NMT1: variants seen among roughly 807,000 people sequenced by gnomAD.
NMT1 encodes the protein N-myristoyltransferase 1.
A neutral mutation model predicts 63.4 loss-of-function variants in NMT1; 12 were observed. The observed-to-expected ratio is 0.19, with a 90% CI of 0.12 to 0.31. The LOEUF is 0.31. NMT1 is among the 10% of genes least tolerant of loss of function. The probability of loss-of-function intolerance (pLI) is 1.00; values close to 1 mark genes in which losing one functional copy is unlikely to be tolerated. For synonymous variants in NMT1, 228 were observed against 234.3 expected (o/e 0.97, Z 0.25); for missense variants, 432 against 634.6 (o/e 0.68, Z 3.43).
chr17:45,069,638 G>C (rs1304226100), intron 1 of NMT1, among the ~76,000 whole-genome samples: 1 of 152,010 alleles, frequency 6.6e-6, no homozygotes, highest in African/African-American at 2.4e-5. Flanking sequence ...CATCTCCACT[G>C]GTCTCTTTGA....
At chr17:45,071,661 G>A (rs1226329121) in intron 1 of NMT1, 1 of 152,050 alleles carries the variant, frequency 6.6e-6, no homozygotes, top group African/African-American at 2.4e-5. Flanking sequence ...GTAAACCTGT[G>A]GTCTGTGTTT....
chr17:45,065,623 CAAAAAAAAAAAAA>C (rs397944011), intron 1 of NMT1, among the ~76,000 whole-genome samples: 1 of 81,734 alleles, frequency 1.2e-5, no homozygotes, highest in African/African-American at 4.8e-5. Context: ...GACTCTGTCT[CAAAAAAAAAAAAA>C]AAAAAAAAGA....
intron 1 of NMT1, among the ~76,000 whole-genome samples, chr17:45,072,129 G>T (rs2053943982): frequency 6.6e-6 from 1 of 151,936 alleles, no homozygotes; most frequent in Admixed American, 6.6e-5. Flanking sequence ...GCGTACGCCT[G>T]TAGTCCCAGC....
intron 3 of NMT1, among the ~76,000 whole-genome samples, chr17:45,091,053 C>A (rs1327949621): frequency 2.6e-5 from 4 of 152,128 alleles, no homozygotes; most frequent in Non-Finnish European, 5.9e-5. Context: ...AAAGTGGCTG[C>A]TCCCTTTTCA....
chr17:45,104,999 A>G lies in NMT1; in HGVS notation c.1470+3A>G, dbSNP rs759750343. 4 of 1,614,136 alleles carry G rather than the reference A, an allele frequency of 2.5e-6. No homozygotes were observed. The highest frequency in any genetic ancestry group is 3.4e-6 in the Non-Finnish European group (4 of 1,180,010). ...GCCCCAGCATGGGGGCAGAGAAGGT[A>G]GGCGACACATAGCCAGAGTCCAGGC... is the stretch of plus-strand genomic sequence containing the variant. On this transcript the variant is annotated splice_donor_region_variant and intron_variant, in intron 11 of 11. Coordinates refer to ENST00000258960, the MANE Select transcript of NMT1 (RefSeq NM_021079.5). This position sits in a 1 kb window ranked among gnomAD's most constrained non-coding sequence, Gnocchi z 4.2.
chr17:45,085,211 C>T (rs1358841484), intron 2 of NMT1, among the ~76,000 whole-genome samples: 1 of 152,080 alleles, frequency 6.6e-6, no homozygotes, highest in Non-Finnish European at 1.5e-5. Flanking sequence ...CATGATTGTG[C>T]CACTGCACTC....
intron 1 of NMT1, among the ~76,000 whole-genome samples, chr17:45,072,684 C>G (rs112174108): frequency 1.3e-5 from 2 of 151,732 alleles, no homozygotes; most frequent in Non-Finnish European, 2.9e-5. Flanking sequence ...CTCAGCCTCC[C>G]GAGTAGCTGG....
intron 1 of NMT1, among the ~76,000 whole-genome samples, chr17:45,064,854 C>A (rs1332644479): frequency 2.0e-5 from 3 of 152,086 alleles, no homozygotes; most frequent in Non-Finnish European, 2.9e-5. Flanking sequence ...GGCTCTGACA[C>A]TTAACAGTCC....
intron 8 of NMT1, among the ~76,000 whole-genome samples, chr17:45,100,169 G>A (rs1019237260): frequency 6.6e-6 from 1 of 152,072 alleles, no homozygotes; most frequent in Non-Finnish European, 1.5e-5. Flanking sequence ...GCTCACTGCA[G>A]CCTCGACCTC....
Position 45,067,505 on chromosome 17 carries a change from TAGG to T in NMT1, c.131+6051_131+6053del, listed in dbSNP as rs533641817. ...TGAGATACTATCCCTTATGAAAACT[TAGG>T]AGGAGAGAAAAGTCTTTCTGAAAAT... is the stretch of plus-strand genomic sequence containing the variant. On this transcript the variant is annotated intron_variant, in intron 1 of 11. Coordinates refer to ENST00000258960, the MANE Select transcript of NMT1 (RefSeq NM_021079.5). 2.2e-3 allele frequency among the ~76,000 whole-genome samples: 330 copies of T among 152,296 alleles called. 1 individual carries two copies. The highest frequency in any genetic ancestry group is 3.3e-3 in the Non-Finnish European group (225 of 68,026).
Position 45,061,509 on chromosome 17 carries a change from G to A in NMT1, c.131+49G>A, listed in dbSNP as rs980228993. On this transcript the variant is annotated intron_variant, in intron 1 of 11. Transcript: ENST00000258960. ...TTCCCGTCCAGCCTCCCACAACCTG[G>A]GTCTCTGGGGTGCGGGGAAGTCACC... is the stretch of plus-strand genomic sequence containing the variant. 9.6e-6 allele frequency: 15 copies of A among 1,565,068 alleles called. No individual in the cohort carries two copies. The African/African-American group carries it at 1.6e-4, about 17-fold the overall frequency.
At chr17:45,075,865 T>TTC (rs2053974264) in intron 1 of NMT1, among the ~76,000 whole-genome samples, 1 of 151,248 alleles carries the variant, frequency 6.6e-6, no homozygotes, top group African/African-American at 2.4e-5. Context: ...AAGTCAGGAG[T>TTC]TCAAGACCAG....
intron 6 of NMT1, 134 bp from the exon 7 acceptor site, chr17:45,098,248 T>G: frequency 2.7e-6 from 2 of 744,310 alleles, no homozygotes; most frequent in East Asian, 4.9e-5. Context: ...GTCCCAGTAC[T>G]GAGTGCAGGT....
Position 45,099,528 on chromosome 17 carries a change from G to T in NMT1, c.993+15G>T, listed in dbSNP as rs747584701. ...GACTGCCAGAGGCCAGTGCTGCCCC[G>T]GGTGGTGGGCAGGGGGCAGAGAGAG... On this transcript the variant is annotated intron_variant, in intron 8 of 11. Transcript: ENST00000258960. 1 of 1,580,262 alleles carries T rather than the reference G, an allele frequency of 6.3e-7. No individual in the cohort carries two copies. Among genetic ancestry groups the T allele is most frequent in the Non-Finnish European group, 8.7e-7 (1 of 1,149,052 alleles).
chr17:45,094,080 C>T (rs2054107801), intron 4 of NMT1, among the ~76,000 whole-genome samples: 1 of 152,292 alleles, frequency 6.6e-6, no homozygotes, highest in Admixed American at 6.5e-5. Context: ...CATTTTCTTT[C>T]TAGTCTGTCT....
intron 1 of NMT1, among the ~76,000 whole-genome samples, chr17:45,067,922 A>G (rs2053913158): frequency 6.6e-6 from 1 of 152,202 alleles, no homozygotes; most frequent in African/African-American, 2.4e-5. Context: ...TTGTTCAACT[A>G]ATATGCTCAC....
Position 45,061,389 on chromosome 17 carries a change from G to A in NMT1, c.60G>A (p.Met20Ile). Residue 20 changes from methionine (M) to isoleucine (I), a missense_variant, in exon 1 of 12, where the codon ATG becomes ATA. Met to Ile is a conservative substitution (Grantham distance 10). This residue lies in a region of NMT1 where 121 missense variants were observed against 103.7 expected (regional missense o/e 1.17). Coordinates refer to ENST00000258960, the MANE Select transcript of NMT1 (RefSeq NM_021079.5). The stretch of plus-strand genomic sequence containing the variant: ...CGGCACCTCCGCTGCCGCAGATGAT[G>A]GAAGGGAACGGGAACGGCCATGAGC... ...KPPAPPLPQM[M>I]EGNGNGHEHC... is the part of the protein sequence containing the mutation. The A allele has an allele frequency of 6.2e-7, 1 of 1,614,094 alleles. No individual in the cohort carries two copies. The highest frequency in any genetic ancestry group is 8.5e-7 in the Non-Finnish European group (1 of 1,180,006).
In NMT1 at chr17:45,104,616, G is replaced by A; in HGVS notation, c.1333-243G>A. The A allele has an allele frequency of 2.3e-6, 3 of 1,313,588 alleles. No individual in the cohort carries two copies. The highest frequency in any genetic ancestry group is 2.9e-6 in the Non-Finnish European group (3 of 1,029,530). The allele number at this position is 1,313,588 out of a possible 1,614,324, so 81.4% of individuals were successfully genotyped here. ...CAGGAATAGCAAGAGCCCCGGCCTGGACACTGAGTACATATGTGTACACTC... is the reference window on the plus strand; with the variant it reads ...CAGGAATAGCAAGAGCCCCGGCCTGAACACTGAGTACATATGTGTACACTC... On this transcript the variant is annotated intron_variant, in intron 10 of 11. Coordinates refer to ENST00000258960, the MANE Select transcript of NMT1 (RefSeq NM_021079.5). This position sits in a 1 kb window ranked among gnomAD's most constrained non-coding sequence, Gnocchi z 4.2.
At chr17:45,080,590 T>G (rs1368393713) in intron 1 of NMT1, among the ~76,000 whole-genome samples, 1 of 147,852 alleles carries the variant, frequency 6.8e-6, no homozygotes, top group East Asian at 2.0e-4. Flanking sequence ...TGCCTCAGCC[T>G]CCCGAGTAGC....
Sources: gnomAD v4.1 joint callset for allele counts (sites outside exome capture counted in the v4.1 genomes callset) on GRCh38, gnomAD v4.1.1 for gene constraint, gnomAD v4.1.1 regional missense constraint, Gnocchi (gnomAD v3.1) non-coding constraint, MANE v1.5 for transcripts, NCBI Gene and HGNC (gene_info 2026-07-23, HGNC 2026-07-21) for gene names.